Variants in CNIH3 observed in about 807,000 individuals in gnomAD.
CNIH3 encodes cornichon family AMPA receptor auxiliary protein 3.
In CNIH3, 14 loss-of-function variants were observed where a neutral mutation model predicts 24.1. The observed-to-expected ratio is 0.58, with a 90% CI of 0.38 to 0.91. The LOEUF (loss-of-function observed/expected upper bound fraction) is 0.91. CNIH3 is among the 40% of genes least tolerant of loss of function. The pLI, the probability that CNIH3 is intolerant of heterozygous loss-of-function variation, is 0.00. For synonymous variants in CNIH3, 68 were observed against 73.8 expected (o/e 0.92, Z 0.40); for missense variants, 178 against 196.8 (o/e 0.90, Z 0.57).
intron 3 of CNIH3, among the ~76,000 whole-genome samples, chr1:224,563,460 G>GTGTGT (rs1680456895): frequency 1.4e-5 from 2 of 146,366 alleles, no homozygotes; most frequent in African/African-American, 5.1e-5. Context: ...TTTTAGACGG[G>GTGTGT]GTGTGTGTGT....
At chr1:224,471,188 G>A (rs903562822) in intron 1 of CNIH3, among the ~76,000 whole-genome samples, 7 of 152,016 alleles carry the variant, frequency 4.6e-5, no homozygotes, top group Non-Finnish European at 7.4e-5. Flanking sequence ...ATAGGCATAC[G>A]CCACCACATC....
intron 1 of CNIH3, among the ~76,000 whole-genome samples, chr1:224,677,713 A>G (rs908818319): frequency 2.0e-5 from 3 of 152,176 alleles, no homozygotes; most frequent in East Asian, 1.9e-4. Context: ...AGCTCCAGCT[A>G]CTTTTGCTCT....
At chr1:224,698,200 C>T (rs1198966775) in intron 3 of CNIH3, among the ~76,000 whole-genome samples, 1 of 152,184 alleles carries the variant, frequency 6.6e-6, no homozygotes, top group African/African-American at 2.4e-5. Context: ...CAAGAAAATG[C>T]ACTGAATAAG....
At chr1:224,623,886 G>A (rs1489039403) in intron 1 of CNIH3, among the ~76,000 whole-genome samples, 1 of 152,098 alleles carries the variant, frequency 6.6e-6, no homozygotes, top group Admixed American at 6.5e-5. Context: ...GTGCCTCTGA[G>A]CTGCAGACAA....
At chr1:224,579,965 A>G (rs1215621166) in intron 4 of CNIH3, among the ~76,000 whole-genome samples, 1 of 152,218 alleles carries the variant, frequency 6.6e-6, no homozygotes, top group Non-Finnish European at 1.5e-5. Context: ...ACAAAGACAG[A>G]GTGAACATAA....
intron 3 of CNIH3, among the ~76,000 whole-genome samples, chr1:224,601,789 G>T (rs1486721957): frequency 6.6e-6 from 1 of 152,214 alleles, no homozygotes; most frequent in Non-Finnish European, 1.5e-5. Flanking sequence ...ATATAGTAGT[G>T]AATAGAATGC....
intron 1 of CNIH3, among the ~76,000 whole-genome samples, chr1:224,677,980 C>T (rs1223955245): frequency 2.0e-5 from 3 of 152,044 alleles, no homozygotes; most frequent in Non-Finnish European, 2.9e-5. Context: ...CCAGGAAAAC[C>T]GATGTCAGCC....
At chr1:224,699,214 T>C (rs1156875369) in intron 3 of CNIH3, among the ~76,000 whole-genome samples, 1 of 152,200 alleles carries the variant, frequency 6.6e-6, no homozygotes, top group Non-Finnish European at 1.5e-5. Context: ...TGTTCTCTTC[T>C]CTAGTCTGAC....
chr1:224,491,900 A>G (rs1677250817), intron 1 of CNIH3, among the ~76,000 whole-genome samples: 1 of 152,106 alleles, frequency 6.6e-6, no homozygotes, highest in East Asian at 1.9e-4. Flanking sequence ...GAGCCACTGC[A>G]CCTGGCCCAT....
upstream of CNIH3, among the ~76,000 whole-genome samples, chr1:224,614,975 A>ATAAGTAAG (rs1239357569): frequency 7.3e-6 from 1 of 136,726 alleles, no homozygotes; most frequent in Non-Finnish European, 1.6e-5. Flanking sequence ...AAATAAATAA[A>ATAAGTAAG]TAAGTAAAAG....
intron 3 of CNIH3, among the ~76,000 whole-genome samples, chr1:224,696,939 A>G (rs1687207381): frequency 6.6e-6 from 1 of 152,202 alleles, no homozygotes; most frequent in Admixed American, 6.5e-5. Flanking sequence ...TATTTTACAC[A>G]GTTGTATTCT....
At chr1:224,571,475 AGCACTTTGGGAG>A (rs1337259724) in intron 4 of CNIH3, among the ~76,000 whole-genome samples, 6 of 152,304 alleles carry the variant, frequency 3.9e-5, no homozygotes, top group African/African-American at 1.4e-4. Flanking sequence ...CTGTAATCCC[AGCACTTTGGGAG>A]GCTGAGGTGG....
At position 224,529,984 on chromosome 1, in the gene CNIH3, C is replaced by T. The variant is rs554495960; in HGVS notation, n.344-6952C>T. On this transcript the variant is annotated intron_variant and non_coding_transcript_variant, in intron 2 of 2. Transcript: ENST00000470602. Reference sequence around the variant, plus strand: ...ATGGAGGGGAGCCAGCTTGGTATTGCTGAGCGCTTGCTATGTACTGGCATT... The same window carrying T: ...ATGGAGGGGAGCCAGCTTGGTATTGTTGAGCGCTTGCTATGTACTGGCATT... Among the ~76,000 whole-genome samples the T allele has an allele frequency of 3.3e-5, 5 of 152,302 alleles. No homozygotes were observed. The South Asian group carries it at 1.0e-3, about 32-fold the overall frequency.
At chr1:224,444,716 C>T (rs1675072859) in intron 1 of CNIH3, among the ~76,000 whole-genome samples, 1 of 152,012 alleles carries the variant, frequency 6.6e-6, no homozygotes, top group Admixed American at 6.6e-5. Context: ...GCGATCTCGG[C>T]TCACTGCAAC....
At chr1:224,540,202 C>T (rs1222539679), downstream of CNIH3, among the ~76,000 whole-genome samples, 4 of 152,172 alleles carry the variant, frequency 2.6e-5, no homozygotes, top group Non-Finnish European at 5.9e-5. Context: ...GCTGCACTCT[C>T]GTTTCATTTT....
At chr1:224,666,321 G>C (rs1685595955) in intron 1 of CNIH3, among the ~76,000 whole-genome samples, 1 of 152,134 alleles carries the variant, frequency 6.6e-6, no homozygotes, top group South Asian at 2.1e-4. Flanking sequence ...ACTGCCCTTG[G>C]CTCAGGTCTG....
At chr1:224,633,504 G>A (rs1382757690) in intron 1 of CNIH3, among the ~76,000 whole-genome samples, 1 of 152,184 alleles carries the variant, frequency 6.6e-6, no homozygotes, top group Non-Finnish European at 1.5e-5. Flanking sequence ...ACCAAAAAAG[G>A]AATTTATGGG....
intron 1 of CNIH3, among the ~76,000 whole-genome samples, chr1:224,637,443 C>CA (rs1411002921): frequency 3.1e-5 from 4 of 127,370 alleles, no homozygotes; most frequent in Admixed American, 2.0e-4. Context: ...AAACAAGGGG[C>CA]AAAACAGTTG....
intron 3 of CNIH3, among the ~76,000 whole-genome samples, chr1:224,688,488 C>T (rs1013105759): frequency 2.6e-5 from 4 of 152,026 alleles, no homozygotes; most frequent in East Asian, 3.9e-4. Context: ...TGAAGGTGCT[C>T]GGTGAGTATT....
Sources: allele counts gnomAD v4.1 joint callset (sites outside exome capture counted in the v4.1 genomes callset), GRCh38; gene constraint gnomAD v4.1.1; transcripts MANE v1.5; gene names NCBI Gene and HGNC (gene_info 2026-07-23, HGNC 2026-07-21).